The following UBE2U variants were observed in gnomAD, a reference collection of about 807,000 sequenced individuals.
UBE2U encodes ubiquitin conjugating enzyme E2 U, also known as ubiquitin-conjugating enzyme E2 U.
In UBE2U, 39 loss-of-function variants were observed where a neutral mutation model predicts 41.2. That is an observed-to-expected ratio of 0.95 (90% CI 0.73 to 1.24). The LOEUF is 1.24. UBE2U is among the 50% of genes most tolerant of loss of function. The pLI is 0.00. For synonymous variants in UBE2U, 107 were observed against 117.8 expected, an observed-to-expected ratio of 0.91 and a Z score of 0.60; for missense variants, 336 against 363.1, an observed-to-expected ratio of 0.93 and a Z score of 0.61.
rs187905268 is a variant in UBE2U, at chr1:64,265,983, T to A, written c.770-1041T>A. Among the ~76,000 whole-genome samples the A allele has an allele frequency of 2.1e-3, 313 of 152,318 alleles. 1 individual carries two copies. The highest frequency in any genetic ancestry group is 7.2e-3 in the African/African-American group (298 of 41,578). ...CAAATATTACAGGGTTTATTTCATG[T>A]GTGAGGGAAATAAACATATGAGGCA... On this transcript the variant is annotated intron_variant, in intron 9 of 9. Coordinates refer to ENST00000371077, the MANE Select transcript of UBE2U (RefSeq NM_001366232.2).
At position 64,226,857 on chromosome 1, in the gene UBE2U, A is replaced by G. The variant is rs531545095; in HGVS notation, c.507-5704A>G. 1.8e-4 allele frequency among the ~76,000 whole-genome samples: 27 copies of G among 152,348 alleles called. 1 individual carries two copies. The East Asian group carries it at 4.6e-3, about 26-fold the overall frequency. ...ACTACACGAAAGGAAATTATAGGTC[A>G]ATACCTTTTATTAGCATAGATGCAT... is the stretch of plus-strand genomic sequence containing the variant. On this transcript the variant is annotated intron_variant, in intron 6 of 9. Transcript: ENST00000371077.
chr1:64,238,343 G>T (rs1410177245), intron 7 of UBE2U, among the ~76,000 whole-genome samples: 1 of 151,844 alleles, frequency 6.6e-6, no homozygotes, highest in African/African-American at 2.4e-5. Flanking sequence ...GATGGAGGTT[G>T]CAGTGAGCCA....
intron 8 of UBE2U, chr1:64,244,252 T>C (rs138362023): frequency 7.2e-6 from 10 of 1,393,762 alleles, no homozygotes; most frequent in African/African-American, 4.3e-5. Flanking sequence ...GAGATAACCT[T>C]ACCTATCTTG....
chr1:64,252,985 G>A (rs1645035057), intron 8 of UBE2U, among the ~76,000 whole-genome samples: 1 of 152,170 alleles, frequency 6.6e-6, no homozygotes, highest in Admixed American at 6.5e-5. Context: ...GGAACAGGTT[G>A]TAAACCAACG....
intron 4 of UBE2U, 145 bp from the exon 5 acceptor site, chr1:64,214,670 C>G (rs1569971540): frequency 1.6e-6 from 1 of 628,928 alleles, no homozygotes; most frequent in Admixed American, 2.7e-5. Context: ...CAGACTATGT[C>G]TCATGTTATT....
chr1:64,256,107 C>CA (rs1253284335), intron 8 of UBE2U, among the ~76,000 whole-genome samples: 1 of 151,820 alleles, frequency 6.6e-6, no homozygotes, highest in Non-Finnish European at 1.5e-5. Flanking sequence ...AACCACTGTT[C>CA]AAAAAAATCA....
intron 8 of UBE2U, 61 bp from the exon 9 acceptor site, chr1:64,260,542 G>A: frequency 7.8e-7 from 1 of 1,275,586 alleles, no homozygotes; most frequent in Non-Finnish European, 1.1e-6. Flanking sequence ...ATTTTTCTCA[G>A]AAGTAAATAT....
chr1:64,224,836 C>CTGTA (rs1652752573), intron 6 of UBE2U, among the ~76,000 whole-genome samples: 1 of 151,808 alleles, frequency 6.6e-6, no homozygotes, highest in Non-Finnish European at 1.5e-5. Context: ...CACTACTGAA[C>CTGTA]TGTACACTTA....
At chr1:64,264,899 G>A (rs1645232360) in intron 9 of UBE2U, among the ~76,000 whole-genome samples, 1 of 152,060 alleles carries the variant, frequency 6.6e-6, no homozygotes, top group Admixed American at 6.6e-5. Context: ...GCAGTGAGCT[G>A]AAAGCACGCC....
intron 1 of UBE2U, 113 bp downstream of exon 1, chr1:64,204,229 C>A: frequency 3.7e-6 from 3 of 809,408 alleles, no homozygotes; most frequent in Non-Finnish European, 3.8e-6. Context: ...TTTGCCACTA[C>A]AGTATTGTTA....
chr1:64,220,241 G>GGAGAGAGA (rs3074174), intron 5 of UBE2U, among the ~76,000 whole-genome samples: 10 of 149,104 alleles, frequency 6.7e-5, no homozygotes, highest in African/African-American at 1.2e-4. Context: ...CCAGGCTTGT[G>GGAGAGAGA]GAGAGAGAGA....
At position 64,251,110 on chromosome 1, in the gene UBE2U, A is replaced by C. The variant is rs193194585; in HGVS notation, c.677+9377A>C. Among the ~76,000 whole-genome samples, 584 of 151,566 alleles carry C rather than the reference A, an allele frequency of 3.9e-3. 5 individuals are homozygous for C. The highest frequency in any genetic ancestry group is 0.013 in the African/African-American group (548 of 41,374). On this transcript the variant is annotated intron_variant, in intron 8 of 9. Coordinates refer to ENST00000371077, the MANE Select transcript of UBE2U (RefSeq NM_001366232.2). ...ATAGGGAATCCTTCCCCGCCCCCCC[A>C]AAAAAAGAAAACTACAGATAAATAT...
In UBE2U at chr1:64,267,240, G is replaced by A; in HGVS notation, c.*32G>A. ...CATTATCAGATTCAAAAAATAAACAGCCTCCGCCATAGCCCAGCGTTGTGG... is the reference window on the plus strand; with the variant it reads ...CATTATCAGATTCAAAAAATAAACAACCTCCGCCATAGCCCAGCGTTGTGG... On this transcript the variant is annotated 3_prime_UTR_variant, in exon 10 of 10. Transcript: ENST00000371077. The A allele has an allele frequency of 4.1e-6, 6 of 1,450,954 alleles. No homozygotes were observed. Among genetic ancestry groups the A allele is most frequent in the Non-Finnish European group, 5.4e-6 (6 of 1,101,922 alleles). 89.9% of individuals were successfully genotyped at this position (1,450,954 alleles called of 1,614,324 possible). A position where few individuals can be genotyped will look rare whatever the true frequency, so the allele number is the denominator to read the frequency against.
At chr1:64,228,515 G>T (rs1324800054) in intron 6 of UBE2U, among the ~76,000 whole-genome samples, 1 of 152,138 alleles carries the variant, frequency 6.6e-6, no homozygotes, top group Non-Finnish European at 1.5e-5. Flanking sequence ...GGATTAGTAA[G>T]AAATTCTGTG....
In UBE2U at chr1:64,264,241, A is replaced by G. The variant is rs111774544; in HGVS notation, c.770-2783A>G. ...TAAACTATTTTCAGATTAAAAATAA[A>G]TTATCAGAGGCAGAGTTTCCATGAT... On this transcript the variant is annotated intron_variant, in intron 9 of 9. Transcript: ENST00000371077. Among the ~76,000 whole-genome samples the G allele has an allele frequency of 1.5e-3, 226 of 152,358 alleles. 1 individual carries two copies. Among genetic ancestry groups the G allele is most frequent in the African/African-American group, 5.2e-3 (217 of 41,580 alleles).
At chr1:64,250,971 A>T (rs1043913185) in intron 8 of UBE2U, among the ~76,000 whole-genome samples, 15 of 151,550 alleles carry the variant, frequency 9.9e-5, no homozygotes, top group Admixed American at 6.6e-5. Flanking sequence ...TTAAATGACG[A>T]GTTAATGGGT....
intron 6 of UBE2U, among the ~76,000 whole-genome samples, chr1:64,225,691 G>A (rs1652819922): frequency 6.6e-6 from 1 of 152,208 alleles, no homozygotes; most frequent in Admixed American, 6.5e-5. Flanking sequence ...GTGGATTCAA[G>A]GCTTGCGCCG....
At chr1:64,246,268 A>G (rs1644919089) in intron 8 of UBE2U, among the ~76,000 whole-genome samples, 1 of 152,106 alleles carries the variant, frequency 6.6e-6, no homozygotes, top group Non-Finnish European at 1.5e-5. Context: ...TATTTTTTCT[A>G]CATTTCTTTG....
intron 9 of UBE2U, among the ~76,000 whole-genome samples, chr1:64,263,466 C>T (rs1047213167): frequency 6.6e-6 from 1 of 152,174 alleles, no homozygotes; most frequent in Non-Finnish European, 1.5e-5. Context: ...TCTGAGCTTG[C>T]CCACCCACGT....
Sources: gnomAD v4.1 joint callset for allele counts (sites outside exome capture counted in the v4.1 genomes callset) on GRCh38, gnomAD v4.1.1 for gene constraint, MANE v1.5 for transcripts, NCBI Gene and HGNC (gene_info 2026-07-23, HGNC 2026-07-21) for gene names.